IL12RB2: variants seen among roughly 807,000 people sequenced by gnomAD.
IL12RB2 encodes interleukin-12 receptor subunit beta-2.
A neutral mutation model predicts 89.4 loss-of-function variants in IL12RB2; 82 were observed. The ratio of observed to expected loss-of-function variants is 0.92; its 90% CI spans 0.77 to 1.10. The LOEUF (loss-of-function observed/expected upper bound fraction) is 1.10, where lower values mean the gene tolerates loss of function less well. Ranked by LOEUF, IL12RB2 falls within the 50% of genes least tolerant of loss-of-function variation. The probability of loss-of-function intolerance (pLI) is 0.00; values close to 1 mark genes in which losing one functional copy is unlikely to be tolerated. For missense variants in IL12RB2, 963 were observed against 1,031.9 expected, an observed-to-expected ratio of 0.93 and a Z score of 0.92; for synonymous variants, 368 against 370.1, an observed-to-expected ratio of 0.99 and a Z score of 0.07.
chr1:67,314,474 G>T (rs1236758632), intron 2 of IL12RB2, among the ~76,000 whole-genome samples: 1 of 152,072 alleles, frequency 6.6e-6, no homozygotes, highest in Non-Finnish European at 1.5e-5. Flanking sequence ...GTCGAGCTAG[G>T]TATTACTATA....
chr1:67,333,773 G>A (rs539289571), intron 8 of IL12RB2, among the ~76,000 whole-genome samples: 5 of 152,294 alleles, frequency 3.3e-5, no homozygotes, highest in African/African-American at 9.6e-5. Flanking sequence ...TTGAATTTGA[G>A]CTCAAGGTGT....
chr1:67,350,839 GTAAA>G (rs1381037458), intron 9 of IL12RB2, 27 bp from the exon 10 acceptor site: 30 of 1,612,550 alleles, frequency 1.9e-5, no homozygotes, highest in Non-Finnish European at 2.5e-5. Flanking sequence ...TTGTCTGGGA[GTAAA>G]TAGTGAATAA....
At chr1:67,374,768 G>GC (rs1191876894) in intron 13 of IL12RB2, among the ~76,000 whole-genome samples, 2 of 126,292 alleles carry the variant, frequency 1.6e-5, no homozygotes, top group Non-Finnish European at 3.2e-5. Context: ...GAGCCACCCA[G>GC]CCCAGCCTCT....
chr1:67,360,854 A>G (rs1661964550), intron 10 of IL12RB2, among the ~76,000 whole-genome samples: 1 of 152,002 alleles, frequency 6.6e-6, no homozygotes, highest in Non-Finnish European at 1.5e-5. Context: ...CCCTCCAAGG[A>G]AACTGTTTTA....
chr1:67,332,373 G>A (rs1404204341), intron 8 of IL12RB2, among the ~76,000 whole-genome samples: 1 of 151,978 alleles, frequency 6.6e-6, no homozygotes, highest in East Asian at 1.9e-4. Flanking sequence ...GCGCCACCAT[G>A]CCCGGCTAAT....
chr1:67,316,732 C>A (rs1233234872), intron 2 of IL12RB2, among the ~76,000 whole-genome samples: 1 of 152,174 alleles, frequency 6.6e-6, no homozygotes, highest in Non-Finnish European at 1.5e-5. Context: ...ATTCACCATT[C>A]CTCTGTGAGG....
intron 16 of IL12RB2, among the ~76,000 whole-genome samples, chr1:67,392,042 T>C (rs529392531): frequency 3.8e-4 from 58 of 152,298 alleles, no homozygotes; most frequent in South Asian, 8.3e-4. Context: ...TGGTGGATCC[T>C]GGACTCATAT....
chr1:67,385,082 A>C (rs1486811943), intron 14 of IL12RB2, among the ~76,000 whole-genome samples: 1 of 152,208 alleles, frequency 6.6e-6, no homozygotes, highest in Non-Finnish European at 1.5e-5. Context: ...GTATCTTTAC[A>C]GCAGCACCCC....
rs139873135 is a variant in IL12RB2 at position 67,317,997 on chromosome 1, G to A, written c.-36-2336G>A. 1.8e-3 allele frequency among the ~76,000 whole-genome samples: 268 copies of A among 152,250 alleles called. 1 individual carries two copies. Among genetic ancestry groups the A allele is most frequent in the Admixed American group, 4.3e-3 (65 of 15,292 alleles). ...GACCACATTGGTCAGGGAGGGCGTCGGAGGGATAGAGACAGTGGTCAGGGA... is the reference window on the plus strand; with the variant it reads ...GACCACATTGGTCAGGGAGGGCGTCAGAGGGATAGAGACAGTGGTCAGGGA... On this transcript the variant is annotated intron_variant, in intron 2 of 16. Transcript: ENST00000674203.
In IL12RB2 at chr1:67,390,040, TC is replaced by T; in HGVS notation, c.1960del (p.Leu654Ter). The T allele has an allele frequency of 7.9e-7, 1 of 1,258,684 alleles. No individual in the cohort carries two copies. Among genetic ancestry groups the T allele is most frequent in the Non-Finnish European group, 1.2e-6 (1 of 855,400 alleles). The allele number at this position is 1,258,684 out of a possible 1,614,324, so 78.0% of individuals were successfully genotyped here. ...TTCTTTATCTATAGGGTGTTTGTTC[TC>T]CTAGCAGCCCTCAGACCTCAGTGGT... ...THYFQQKVFV[L>X]LAALRPQWCS... is the part of the protein sequence containing the mutation. On this transcript the variant is annotated frameshift_variant, in exon 16 of 17. Transcript: ENST00000674203. LOFTEE classifies it high-confidence loss of function.
intron 8 of IL12RB2, among the ~76,000 whole-genome samples, chr1:67,334,255 C>T (rs896507778): frequency 3.9e-5 from 6 of 152,296 alleles, no homozygotes; most frequent in African/African-American, 1.4e-4. Context: ...TGATAACAGT[C>T]AAGCTTGGTG....
At chr1:67,343,815 A>G (rs929930022) in intron 9 of IL12RB2, among the ~76,000 whole-genome samples, 6 of 152,218 alleles carry the variant, frequency 3.9e-5, no homozygotes, top group African/African-American at 1.4e-4. Context: ...TATCTTGATC[A>G]TAGCAAATCA....
intron 1 of IL12RB2, among the ~76,000 whole-genome samples, chr1:67,311,955 A>G (rs1345826172): frequency 6.6e-6 from 1 of 152,230 alleles, no homozygotes; most frequent in Non-Finnish European, 1.5e-5. Context: ...ACTTTGCAAT[A>G]CCCAAGATCC....
intron 1 of IL12RB2, among the ~76,000 whole-genome samples, chr1:67,313,695 G>A (rs1242287349): frequency 2.0e-5 from 3 of 152,088 alleles, no homozygotes; most frequent in Non-Finnish European, 2.9e-5. Context: ...GTGTGGTGGC[G>A]CATGCTTATA....
intron 8 of IL12RB2, among the ~76,000 whole-genome samples, chr1:67,334,459 C>T (rs992215029): frequency 2.0e-5 from 3 of 152,202 alleles, no homozygotes; most frequent in African/African-American, 4.8e-5. Context: ...ATGTAATCTT[C>T]ACATGTCACT....
At chr1:67,374,360 T>C (rs1663708848) in intron 13 of IL12RB2, among the ~76,000 whole-genome samples, 1 of 152,222 alleles carries the variant, frequency 6.6e-6, no homozygotes, top group Non-Finnish European at 1.5e-5. Flanking sequence ...AAGGAATCAA[T>C]TGATCTCTTC....
At chr1:67,323,600 A>G (rs12091150) in intron 4 of IL12RB2, among the ~76,000 whole-genome samples, 8,676 of 152,260 alleles carry the variant, frequency 0.057, 845 homozygotes, top group African/African-American at 0.2. Context: ...TCCTGACTAC[A>G]AACTCTTTTC....
At chr1:67,364,644 C>T (rs1392185228) in intron 10 of IL12RB2, among the ~76,000 whole-genome samples, 1 of 152,060 alleles carries the variant, frequency 6.6e-6, no homozygotes, top group African/African-American at 2.4e-5. Flanking sequence ...ATGCATGAGC[C>T]AAAAACCAAT....
At chr1:67,373,575 C>T (rs1663610049) in intron 13 of IL12RB2, among the ~76,000 whole-genome samples, 1 of 152,134 alleles carries the variant, frequency 6.6e-6, no homozygotes, top group South Asian at 2.1e-4. Flanking sequence ...AAGTATAAAA[C>T]TAAAGCAATT....
Sources: allele counts gnomAD v4.1 joint callset (sites outside exome capture counted in the v4.1 genomes callset), GRCh38; gene constraint gnomAD v4.1.1; transcripts MANE v1.5; gene names NCBI Gene and HGNC (gene_info 2026-07-23, HGNC 2026-07-21).